The following ERF variants were observed in gnomAD, a reference collection of about 807,000 sequenced individuals.
ERF encodes ETS domain-containing transcription factor ERF.
Under a neutral mutation model 41.6 loss-of-function variants are expected in ERF, and 10 were observed. The ratio of observed to expected loss-of-function variants is 0.24; its 90% CI spans 0.15 to 0.41. The LOEUF is 0.41. Ranked by LOEUF, ERF falls within the 10% of genes least tolerant of loss-of-function variation. ERF has a pLI of 1.00. For synonymous variants in ERF, 395 were observed against 342.4 expected, an observed-to-expected ratio of 1.15 and a Z score of -1.70; for missense variants, 621 against 763.2, an observed-to-expected ratio of 0.81 and a Z score of 2.19.
In ERF at chr19:42,249,271, G is replaced by A; in HGVS notation, c.841C>T (p.Pro281Ser). The stretch of plus-strand genomic sequence containing the variant: ...CTGGGGTACATCGGGCTCAGCGTGG[G>A]CGAGGGAGTGTAGGCCAGGTGGGTG... ...TPTHLAYTPS[P>S]TLSPMYPSGG... Residue 281 changes from proline (P) to serine (S), a missense_variant, in exon 4 of 4, where the codon CCC (proline) becomes TCC (serine). Around this residue, in one of 3 missense-constraint regions of ERF, gnomAD observed 569 missense variants for 625.5 expected, o/e 0.91. Coordinates refer to ENST00000222329, the MANE Select transcript of ERF (RefSeq NM_006494.4). This position sits in a 1 kb window ranked among gnomAD's most constrained non-coding sequence, Gnocchi z 8.6. 1 of 1,608,646 alleles carries A rather than the reference G, an allele frequency of 6.2e-7. No individual in the cohort carries two copies. The highest frequency in any genetic ancestry group is 8.5e-7 in the Non-Finnish European group (1 of 1,177,502).
intron 1 of ERF, among the ~76,000 whole-genome samples, chr19:42,253,112 ACTC>A (rs2036471802): frequency 1.3e-5 from 2 of 152,050 alleles, no homozygotes; most frequent in South Asian, 2.1e-4. Flanking sequence ...GGGGGACAAA[ACTC>A]CTGGGCACCC....
chr19:42,253,716 G>A, intron 1 of ERF: 1 of 334,484 alleles, frequency 3.0e-6, no homozygotes, highest in Non-Finnish European at 4.3e-6. Context: ...CCCTGGCGCC[G>A]GATCCCAGCT....
chr19:42,251,241 C>T (rs2036440429), intron 1 of ERF: 1 of 985,952 alleles, frequency 1.0e-6, no homozygotes, highest in South Asian at 4.7e-5. Context: ...CTCCCCAGAC[C>T]CAGGCATCCA....
At position 42,249,984 on chromosome 19, in the gene ERF, G is replaced by A; in HGVS notation, c.258-42C>T. On this transcript the variant is annotated intron_variant, in intron 2 of 3. Transcript: ENST00000222329. The surrounding 1 kb of genome is among the most constrained non-coding windows in gnomAD (Gnocchi z 8.6). ...GCCATTGGGAAGGTCAGGTACGTGG[G>A]ACCCAGGTCTAGACTCCACACCTTA... 2.5e-6 allele frequency: 4 copies of A among 1,578,730 alleles called. No homozygotes were observed. Among genetic ancestry groups the A allele is most frequent in the Non-Finnish European group, 1.7e-6 (2 of 1,148,118 alleles).
In ERF at chr19:42,248,323, T is replaced by G. The variant is rs2036365949; in HGVS notation, c.*142A>C. 2 of 702,344 alleles carry G rather than the reference T, an allele frequency of 2.8e-6. No individual in the cohort carries two copies. Among genetic ancestry groups the G allele is most frequent in the African/African-American group, 2.0e-5 (1 of 50,290 alleles). 43.5% of individuals were successfully genotyped at this position (702,344 alleles called of 1,614,324 possible). On this transcript the variant is annotated 3_prime_UTR_variant, in exon 4 of 4. Transcript: ENST00000222329. The surrounding 1 kb of genome is among the most constrained non-coding windows in gnomAD (Gnocchi z 4.2). ...CATTTTTAAAAAAAAGAAATTAAAG[T>G]TTTATACAAAATGTGGGGAGGGAAA...
rs868252252 is a variant in ERF at position 42,248,692 on chromosome 19, C to T, written c.1420G>A (p.Ala474Thr). The T allele has an allele frequency of 1.2e-6, 2 of 1,610,972 alleles. No individual in the cohort carries two copies. Among genetic ancestry groups the T allele is most frequent in the Admixed American group, 3.3e-5 (2 of 59,900 alleles). ...AGCTTGAGGGGCATGCACTGGGATG[C>T]CCCGGGTGCCTCGCCGGGCTCAGGC... is the stretch of plus-strand genomic sequence containing the variant. ...PKPEPGEAPG[A>T]SQCMPLKLRF... Residue 474 changes from alanine to threonine, a missense_variant, in exon 4 of 4, where the codon GCA becomes ACA. Ala to Thr is a moderately conservative substitution (Grantham distance 58, BLOSUM62 0). This residue lies in a region of ERF where 569 missense variants were observed against 625.5 expected (regional missense o/e 0.91). Transcript: ENST00000222329. The surrounding 1 kb of genome is among the most constrained non-coding windows in gnomAD (Gnocchi z 4.2).
At position 42,249,838 on chromosome 19, in the gene ERF, A is replaced by C. The variant is rs757730703; in HGVS notation, c.362T>G (p.Val121Gly). 1 of 1,614,154 alleles carries C rather than the reference A, an allele frequency of 6.2e-7. No individual in the cohort carries two copies. The highest frequency in any genetic ancestry group is 1.1e-5 in the South Asian group (1 of 91,082). Residue 121 changes from valine to glycine, a missense_variant, in exon 3 of 4, where the codon GTG becomes GGG. Val to Gly is a moderately radical substitution (Grantham distance 109). Around this residue, in one of 3 missense-constraint regions of ERF, gnomAD observed 569 missense variants for 625.5 expected, o/e 0.91. Transcript: ENST00000222329. This position sits in a 1 kb window ranked among gnomAD's most constrained non-coding sequence, Gnocchi z 8.6. ...TCCCTGGTACTCACCAGCCAACCCC[A>C]CATCAATGAATGGGTAATTGACCAG... is the stretch of plus-strand genomic sequence containing the variant. The part of the protein sequence containing the change: ...LVLVNYPFID[V>G]GLAGGAVPQS...
rs569513477 is a variant in ERF at position 42,251,102 on chromosome 19, G to A, written c.23-537C>T. ...TTTTTTTTTCTTAAAAGGACCAGGA[G>A]GGGTGGGGTGACTCGGTTGCCGATG... On this transcript the variant is annotated intron_variant, in intron 1 of 3. Transcript: ENST00000222329. Among the ~76,000 whole-genome samples, 57 of 151,842 alleles carry A rather than the reference G, an allele frequency of 3.8e-4. 1 individual carries two copies. Among genetic ancestry groups the A allele is most frequent in the Non-Finnish European group, 6.2e-4 (42 of 67,876 alleles).
chr19:42,251,071 ATT>A (rs72204758), intron 1 of ERF, among the ~76,000 whole-genome samples: 1 of 144,744 alleles, frequency 6.9e-6, no homozygotes, highest in African/African-American at 2.5e-5. Flanking sequence ...TGAGAGGAAG[ATT>A]TTTTTTTTTT....
Position 42,249,641 on chromosome 19 carries a change from C to T in ERF, c.471G>A (p.Glu157=). ...STPSEVLSPT[E]DPRSPPACSS... ...AGCAGGCTGGTGGTGAGCGGGGGTC[C>T]TCGGTGGGGGACAGCACCTCGGAGG... The change falls in exon 4 of 4, where the codon GAG becomes GAA. Residue 157 remains glutamate, a synonymous_variant. Transcript: ENST00000222329. This position sits in a 1 kb window ranked among gnomAD's most constrained non-coding sequence, Gnocchi z 8.6. The T allele has an allele frequency of 6.2e-7, 1 of 1,610,904 alleles. No homozygotes were observed. Among genetic ancestry groups the T allele is most frequent in the Non-Finnish European group, 8.5e-7 (1 of 1,178,594 alleles).
intron 1 of ERF, chr19:42,254,037 G>A (rs901274948): frequency 3.6e-5 from 23 of 636,600 alleles, no homozygotes; most frequent in Non-Finnish European, 4.3e-5. Context: ...GCCCGCGCGA[G>A]CCCGGGGGCG....
intron 1 of ERF, chr19:42,254,710 G>A: frequency 2.9e-6 from 1 of 350,500 alleles, no homozygotes; most frequent in East Asian, 4.5e-5. Context: ...TCCCGGGAGT[G>A]GGGGAGAGCC....
rs1195738975 is a variant in ERF at position 42,249,380 on chromosome 19, G to A, written c.732C>T (p.Pro244=). The change falls in exon 4 of 4, where the codon CCC becomes CCT. Residue 244 remains proline, a synonymous_variant. Coordinates refer to ENST00000222329, the MANE Select transcript of ERF (RefSeq NM_006494.4). This position sits in a 1 kb window ranked among gnomAD's most constrained non-coding sequence, Gnocchi z 8.6. ...GAGGCGACACAGGGAAGGGGCTGAGGGGTTCAGGGCCACCCCGAGGCCGGG... is the reference window on the plus strand; with the variant it reads ...GAGGCGACACAGGGAAGGGGCTGAGAGGTTCAGGGCCACCCCGAGGCCGGG... ...VYPRPRGGPE[P]LSPFPVSPLA... The A allele has an allele frequency of 1.9e-6, 3 of 1,576,264 alleles. No homozygotes were observed. The highest frequency in any genetic ancestry group is 2.6e-6 in the Non-Finnish European group (3 of 1,161,778).
At position 42,248,396 on chromosome 19, in the gene ERF, C is replaced by T. The variant is rs1043620090; in HGVS notation, c.*69G>A. On this transcript the variant is annotated 3_prime_UTR_variant, in exon 4 of 4. Coordinates refer to ENST00000222329, the MANE Select transcript of ERF (RefSeq NM_006494.4). The surrounding 1 kb of genome is among the most constrained non-coding windows in gnomAD (Gnocchi z 4.2). ...AAGAGAGCTGCCCTCACCTCCAGGG[C>T]ATAGGGGGCTTAAGGCAGCAAAAGA... 3 of 1,363,224 alleles carry T rather than the reference C, an allele frequency of 2.2e-6. No homozygotes were observed. Among genetic ancestry groups the T allele is most frequent in the Non-Finnish European group, 2.9e-6 (3 of 1,047,088 alleles). The allele number at this position is 1,363,224 out of a possible 1,614,324, so 84.4% of individuals were successfully genotyped here. A position where few individuals can be genotyped will look rare whatever the true frequency, so the allele number is the denominator to read the frequency against.
At chr19:42,252,934 G>A (rs569795537) in intron 1 of ERF, among the ~76,000 whole-genome samples, 18 of 152,308 alleles carry the variant, frequency 1.2e-4, no homozygotes, top group Non-Finnish European at 2.2e-4. Context: ...GGGCCAGTGA[G>A]GCAGGGAGAG....
At position 42,249,257 on chromosome 19, in the gene ERF, C is replaced by A. The variant is rs773493654; in HGVS notation, c.855G>T (p.Pro285=). 5.6e-6 allele frequency: 9 copies of A among 1,611,510 alleles called. No individual in the cohort carries two copies. The highest frequency in any genetic ancestry group is 5.0e-5 in the Admixed American group (3 of 59,564). Residue 285 remains proline, a synonymous_variant, in exon 4 of 4, where the codon CCG becomes CCT. Transcript: ENST00000222329. This position sits in a 1 kb window ranked among gnomAD's most constrained non-coding sequence, Gnocchi z 8.6. ...LAYTPSPTLS[P]MYPSGGGGPS... Reference sequence around the variant, plus strand: ...GCCCCCCGCCACCACTGGGGTACATCGGGCTCAGCGTGGGCGAGGGAGTGT... The same window carrying A: ...GCCCCCCGCCACCACTGGGGTACATAGGGCTCAGCGTGGGCGAGGGAGTGT...
Position 42,250,258 on chromosome 19 carries a change from C to G in ERF, c.257+73G>C. 1 of 1,529,018 alleles carries G rather than the reference C, an allele frequency of 6.5e-7. No individual in the cohort carries two copies. Among genetic ancestry groups the G allele is most frequent in the Non-Finnish European group, 8.9e-7 (1 of 1,121,150 alleles). 94.7% of individuals were successfully genotyped at this position (1,529,018 alleles called of 1,614,324 possible). ...CCAGGGGTCAGACCCAATGCTTGTT[C>G]CCACAGGCAAGGGGCTGTGCAACCC... On this transcript the variant is annotated intron_variant, in intron 2 of 3. Coordinates refer to ENST00000222329, the MANE Select transcript of ERF (RefSeq NM_006494.4). The surrounding 1 kb of genome is among the most constrained non-coding windows in gnomAD (Gnocchi z 5.1).
In ERF at chr19:42,250,055, GC is replaced by G; in HGVS notation, c.258-114del. Reference sequence around the variant, plus strand: ...CCCAAAGGCCAACTGAGGAACGTAGGCCACAAAAGACAAATCAAGTGCCCAG... The same window carrying G: ...CCCAAAGGCCAACTGAGGAACGTAGGCACAAAAGACAAATCAAGTGCCCAG... On this transcript the variant is annotated intron_variant, in intron 2 of 3. Transcript: ENST00000222329. This position sits in a 1 kb window ranked among gnomAD's most constrained non-coding sequence, Gnocchi z 5.1. 1 of 1,068,648 alleles carries G rather than the reference GC, an allele frequency of 9.4e-7. No homozygotes were observed. The highest frequency in any genetic ancestry group is 1.4e-6 in the Non-Finnish European group (1 of 695,526). 66.2% of individuals were successfully genotyped at this position (1,068,648 alleles called of 1,614,324 possible). A position where few individuals can be genotyped will look rare whatever the true frequency, so the allele number is the denominator to read the frequency against.
chr19:42,250,028 T>C lies in ERF; in HGVS notation c.258-86A>G. 7.6e-7 allele frequency: 1 copy of C among 1,315,090 alleles called. No individual in the cohort carries two copies. Among genetic ancestry groups the C allele is most frequent in the African/African-American group, 1.4e-5 (1 of 69,006 alleles). The allele number at this position is 1,315,090 out of a possible 1,614,324, so 81.5% of individuals were successfully genotyped here. On this transcript the variant is annotated intron_variant, in intron 2 of 3. Coordinates refer to ENST00000222329, the MANE Select transcript of ERF (RefSeq NM_006494.4). The surrounding 1 kb of genome is among the most constrained non-coding windows in gnomAD (Gnocchi z 5.1). Reference sequence around the variant, plus strand: ...CACCTTAACACGCACTTAGGTGTGGTTCCCAAAGGCCAACTGAGGAACGTA... The same window carrying C: ...CACCTTAACACGCACTTAGGTGTGGCTCCCAAAGGCCAACTGAGGAACGTA...
Sources: gnomAD v4.1 joint callset for allele counts (sites outside exome capture counted in the v4.1 genomes callset) on GRCh38, gnomAD v4.1.1 for gene constraint, gnomAD v4.1.1 regional missense constraint, Gnocchi (gnomAD v3.1) non-coding constraint, MANE v1.5 for transcripts, NCBI Gene and HGNC (gene_info 2026-07-23, HGNC 2026-07-21) for gene names.